GBX1: variants seen among roughly 807,000 people sequenced by gnomAD.
GBX1 encodes the protein homeobox protein GBX-1.
GBX1 carries 9 observed loss-of-function variants against 22.9 expected under a neutral mutation model. That is an observed-to-expected ratio of 0.39 (90% CI 0.24 to 0.69). The LOEUF (loss-of-function observed/expected upper bound fraction) is 0.69. GBX1 is among the 30% of genes least tolerant of loss of function. GBX1 has a pLI of 0.43. For missense variants in GBX1, 494 were observed against 509.2 expected, an observed-to-expected ratio of 0.97 and a Z score of 0.29; for synonymous variants, 203 against 227.3, an observed-to-expected ratio of 0.89 and a Z score of 0.96.
Position 151,149,107 on chromosome 7 carries a change from G to T in GBX1, c.574C>A (p.Leu192Met). The part of the protein sequence containing the change: ...GKVYSSDEEK[L>M]EASAGDPAGS... ...GCTGGGTCTCCTGCTGATGCCTCCA[G>T]CTTCTCCTCATCTGAGCTGTACACC... is the stretch of plus-strand genomic sequence containing the variant. The change falls in exon 2 of 2, where the codon CTG becomes ATG. Residue 192 changes from leucine to methionine, a missense_variant. Physicochemically the swap from Leu to Met is conservative, Grantham distance 15. Transcript: ENST00000297537. 6.2e-7 allele frequency: 1 copy of T among 1,610,598 alleles called. No homozygotes were observed.
intron 1 of GBX1, among the ~76,000 whole-genome samples, chr7:151,151,703 TA>T (rs1442547222): frequency 6.6e-6 from 1 of 152,196 alleles, no homozygotes; most frequent in Non-Finnish European, 1.5e-5. Flanking sequence ...CTGCTGCCTT[TA>T]AAATACCCCC....
chr7:151,148,955 A>G lies in GBX1; in HGVS notation c.726T>C (p.Thr242=). Residue 242 remains threonine (T), a synonymous_variant, in exon 2 of 2, where the codon ACT becomes ACC. Coordinates refer to ENST00000297537, the MANE Select transcript of GBX1 (RefSeq NM_001098834.3). The surrounding 1 kb of genome is among the most constrained non-coding windows in gnomAD (Gnocchi z 5.1). ...PKPKLKGSLG[T]GAEEGAPVTA... ...TCACCGGTGCCCCCTCCTCAGCTCC[A>G]GTCCCCAGGCTTCCCTTTAGCTTCG... is the stretch of plus-strand genomic sequence containing the variant. 2 of 1,614,036 alleles carry G rather than the reference A, an allele frequency of 1.2e-6. No homozygotes were observed. Among genetic ancestry groups the G allele is most frequent in the East Asian group, 2.2e-5 (1 of 44,882 alleles).
chr7:151,149,101 C>T lies in GBX1; in HGVS notation c.580G>A (p.Ala194Thr), dbSNP rs11975799. 7,110 of 1,611,298 alleles carry T rather than the reference C, an allele frequency of 4.4e-3. 157 individuals are homozygous for T. The African/African-American group carries it at 0.06, about 14-fold the overall frequency. ...CTGCCTGCTGGGTCTCCTGCTGATG[C>T]CTCCAGCTTCTCCTCATCTGAGCTG... ...VYSSDEEKLE[A>T]SAGDPAGSEQ... The change falls in exon 2 of 2, where the codon GCA becomes ACA. Residue 194 changes from alanine to threonine, a missense_variant. Physicochemically the swap from Ala to Thr is moderately conservative, Grantham distance 58. Around this residue, in one of 3 missense-constraint regions of GBX1, gnomAD observed 365 missense variants for 340.4 expected, o/e 1.07. Coordinates refer to ENST00000297537, the MANE Select transcript of GBX1 (RefSeq NM_001098834.3).
intron 1 of GBX1, among the ~76,000 whole-genome samples, chr7:151,151,049 C>A (rs1448675228): frequency 6.6e-6 from 1 of 152,182 alleles, no homozygotes; most frequent in Admixed American, 6.5e-5. Flanking sequence ...TCCTTAGTGG[C>A]CAGAACTCTC....
At chr7:151,154,107 G>A (rs909270515) in intron 1 of GBX1, among the ~76,000 whole-genome samples, 15 of 152,196 alleles carry the variant, frequency 9.9e-5, no homozygotes, top group South Asian at 4.1e-4. Flanking sequence ...GGGTGTTGGC[G>A]TGCGCCTGTG....
At chr7:151,151,579 C>T (rs1801079986) in intron 1 of GBX1, among the ~76,000 whole-genome samples, 1 of 152,184 alleles carries the variant, frequency 6.6e-6, no homozygotes, top group African/African-American at 2.4e-5. Context: ...ACATCATCCC[C>T]ATCTCAGTTA....
chr7:151,154,503 G>T (rs1437662089), intron 1 of GBX1, among the ~76,000 whole-genome samples: 1 of 152,230 alleles, frequency 6.6e-6, no homozygotes, highest in East Asian at 1.9e-4. Flanking sequence ...ACTATATTGA[G>T]TTTCCAGCTT....
intron 1 of GBX1, among the ~76,000 whole-genome samples, chr7:151,161,334 CTT>C (rs1801186289): frequency 6.6e-6 from 1 of 152,174 alleles, no homozygotes; most frequent in South Asian, 2.1e-4. Flanking sequence ...CTTAGAGACT[CTT>C]TCTCTCTGCC....
chr7:151,162,177 G>C (rs148530489), intron 1 of GBX1, among the ~76,000 whole-genome samples: 2 of 152,158 alleles, frequency 1.3e-5, no homozygotes, highest in African/African-American at 4.8e-5. Flanking sequence ...CACTCTGACT[G>C]TATGCTCAAA....
chr7:151,149,643 C>G, intron 1 of GBX1: 1 of 285,482 alleles, frequency 3.5e-6, no homozygotes. Context: ...TGCAGAAGAA[C>G]TGACCTTGGC....
chr7:151,160,585 A>C (rs1459405346), intron 1 of GBX1, among the ~76,000 whole-genome samples: 1 of 152,150 alleles, frequency 6.6e-6, no homozygotes, highest in Non-Finnish European at 1.5e-5. Flanking sequence ...TCACATAAGG[A>C]TCATTGCTTT....
chr7:151,161,262 C>A (rs539301030), intron 1 of GBX1, among the ~76,000 whole-genome samples: 29 of 152,268 alleles, frequency 1.9e-4, no homozygotes, highest in African/African-American at 6.7e-4. Context: ...CCTGCCACTC[C>A]AAGTATAAGA....
At position 151,167,213 on chromosome 7, in the gene GBX1, G is replaced by T; in HGVS notation, c.336C>A (p.Pro112=). 6.4e-7 allele frequency: 1 copy of T among 1,560,174 alleles called. No homozygotes were observed. The highest frequency in any genetic ancestry group is 2.4e-5 in the East Asian group (1 of 41,476). The change falls in exon 1 of 2, where the codon CCC becomes CCA. Residue 112 remains proline, a synonymous_variant. Transcript: ENST00000297537. The surrounding 1 kb of genome is among the most constrained non-coding windows in gnomAD (Gnocchi z 5.9). ...GCTCCTGGGGCCCGTAGAAAGCGTC[G>T]GGCGGCTCCGCGAAGCTGGGCAGCG... The part of the protein sequence containing the change: ...TTALPSFAEP[P]DAFYGPQELA...
rs373562908 is a variant in GBX1, at chr7:151,148,745, T to C, written c.936A>G (p.Arg312=). ...EVQVKIWFQN[R]RAKWKRIKAG... The stretch of plus-strand genomic sequence containing the variant: ...CTTTGATGCGCTTCCACTTGGCCCG[T>C]CGATTCTGAAACCAGATCTTGACCT... Residue 312 remains arginine (R), a synonymous_variant, in exon 2 of 2, where the codon CGA becomes CGG. Coordinates refer to ENST00000297537, the MANE Select transcript of GBX1 (RefSeq NM_001098834.3). The surrounding 1 kb of genome is among the most constrained non-coding windows in gnomAD (Gnocchi z 5.1). 21 of 1,614,022 alleles carry C rather than the reference T, an allele frequency of 1.3e-5. No homozygotes were observed. The highest frequency in any genetic ancestry group is 5.9e-6 in the Non-Finnish European group (7 of 1,180,024).
intron 1 of GBX1, among the ~76,000 whole-genome samples, chr7:151,159,629 G>A (rs994315275): frequency 1.3e-5 from 2 of 152,060 alleles, no homozygotes; most frequent in African/African-American, 2.4e-5. Context: ...GATCCACCTC[G>A]GCCTCCGAAA....
chr7:151,155,564 C>T (rs1271359970), intron 1 of GBX1, among the ~76,000 whole-genome samples: 2 of 152,046 alleles, frequency 1.3e-5, no homozygotes, highest in African/African-American at 2.4e-5. Flanking sequence ...TCTCTCTGCA[C>T]TCTTCCTATG....
chr7:151,148,544 G>A lies in GBX1; in HGVS notation c.*45C>T. On this transcript the variant is annotated 3_prime_UTR_variant, in exon 2 of 2. Coordinates refer to ENST00000297537, the MANE Select transcript of GBX1 (RefSeq NM_001098834.3). This position sits in a 1 kb window ranked among gnomAD's most constrained non-coding sequence, Gnocchi z 5.1. ...CAGAACCCTGACAGTCTCAGAGCAGGCTCAGGTACAGATCCCTCGCCTTCC... is the reference window on the plus strand; with the variant it reads ...CAGAACCCTGACAGTCTCAGAGCAGACTCAGGTACAGATCCCTCGCCTTCC... 1 of 1,557,660 alleles carries A rather than the reference G, an allele frequency of 6.4e-7. No homozygotes were observed.
chr7:151,164,600 T>C (rs1432502841), intron 1 of GBX1, among the ~76,000 whole-genome samples: 1 of 152,150 alleles, frequency 6.6e-6, no homozygotes, highest in Non-Finnish European at 1.5e-5. Context: ...CTCTCCTCCT[T>C]ACTACTGTGT....
intron 1 of GBX1, among the ~76,000 whole-genome samples, chr7:151,155,685 C>T (rs1428210528): frequency 6.6e-6 from 1 of 152,146 alleles, no homozygotes; most frequent in African/African-American, 2.4e-5. Flanking sequence ...CCATTTTAAG[C>T]TCAGACCTCC....
Sources: allele counts gnomAD v4.1 joint callset (sites outside exome capture counted in the v4.1 genomes callset), GRCh38; gene constraint gnomAD v4.1.1; regional missense constraint gnomAD v4.1.1; non-coding constraint Gnocchi (gnomAD v3.1); transcripts MANE v1.5; gene names NCBI Gene and HGNC (gene_info 2026-07-23, HGNC 2026-07-21).